The following AMOTL1 variants were observed in gnomAD, a reference collection of about 807,000 sequenced individuals.
AMOTL1 encodes the protein angiomotin like 1.
AMOTL1 carries 45 observed loss-of-function variants against 102.9 expected under a neutral mutation model. The ratio of observed to expected loss-of-function variants is 0.44; its 90% confidence interval spans 0.34 to 0.56. The LOEUF is 0.56. Ranked by LOEUF, AMOTL1 falls within the 20% of genes least tolerant of loss-of-function variation. The pLI, the probability that AMOTL1 is intolerant of heterozygous loss-of-function variation, is 0.01. For synonymous variants in AMOTL1, 481 were observed against 484.7 expected (o/e 0.99, Z 0.10); for missense variants, 1,114 against 1,225.6 (o/e 0.91, Z 1.36).
In AMOTL1 at chr11:94,865,967, A is replaced by C; in HGVS notation, c.2287A>C (p.Ile763Leu). 6.2e-7 allele frequency: 1 copy of C among 1,613,822 alleles called. No homozygotes were observed. ...YTIKNLHAKI[I>L]EKDAMIKVLQ... The stretch of plus-strand genomic sequence containing the variant: ...TATTAAAAATCTCCATGCCAAAATC[A>C]TAGAGAAAGATGCTATGATTAAGGT... The change falls in exon 11 of 13, where the codon ATA becomes CTA. Residue 763 changes from isoleucine (I) to leucine (L), a missense_variant. By Grantham distance (5) the Ile-to-Leu change is conservative (BLOSUM62 2). Transcript: ENST00000433060.
At chr11:94,706,644 A>G (rs982363871) in intron 1 of AMOTL1, 1 of 152,306 alleles carries the variant, frequency 6.6e-6, no homozygotes, top group East Asian at 1.9e-4. Context: ...GAACCTTAAC[A>G]CGAGGGGGGG....
At chr11:94,772,411 A>T (rs191756529) in intron 1 of AMOTL1, among the ~76,000 whole-genome samples, 5 of 152,020 alleles carry the variant, frequency 3.3e-5, no homozygotes, top group Admixed American at 3.3e-4. Flanking sequence ...AGCAACCACT[A>T]CTCCTGTTCA....
At chr11:94,797,235 A>G (rs569992991) in intron 2 of AMOTL1, among the ~76,000 whole-genome samples, 1 of 152,328 alleles carries the variant, frequency 6.6e-6, no homozygotes, top group African/African-American at 2.4e-5. Context: ...AGAGGAGGAT[A>G]TTGAGGCTCA....
At chr11:94,869,714 G>A (rs535622224) in intron 12 of AMOTL1, among the ~76,000 whole-genome samples, 3 of 152,302 alleles carry the variant, frequency 2.0e-5, no homozygotes, top group South Asian at 2.1e-4. Flanking sequence ...CCCTGGCAAT[G>A]CATACTTTTT....
At position 94,799,423 on chromosome 11, in the gene AMOTL1, A is replaced by G; in HGVS notation, c.233A>G (p.Asn78Ser). The G allele has an allele frequency of 1.3e-6, 2 of 1,591,032 alleles. No homozygotes were observed. Among genetic ancestry groups the G allele is most frequent in the Non-Finnish European group, 8.6e-7 (1 of 1,167,772 alleles). ...CCTCTTTGTAACTTCCACTCCCCAA[A>G]CTTCCTGAGGATCTCAGAGGTGGAA... The part of the protein sequence containing the change: ...EDPLCNFHSP[N>S]FLRISEVEMR... The change falls in exon 3 of 13, where the codon AAC becomes AGC. Residue 78 changes from asparagine to serine, a missense_variant. By Grantham distance (46) the Asn-to-Ser change is conservative (BLOSUM62 1). Coordinates refer to ENST00000433060, the MANE Select transcript of AMOTL1 (RefSeq NM_130847.3). This position sits in a 1 kb window ranked among gnomAD's most constrained non-coding sequence, Gnocchi z 4.5.
chr11:94,829,221 CTTTT>C (rs1275329051), intron 4 of AMOTL1, among the ~76,000 whole-genome samples: 3 of 135,980 alleles, frequency 2.2e-5, no homozygotes, highest in Non-Finnish European at 1.6e-5. Flanking sequence ...TCCATTAATC[CTTTT>C]TTTTTTTTTT....
intron 6 of AMOTL1, 109 bp from the exon 7 acceptor site, chr11:94,850,005 T>G: frequency 9.4e-6 from 12 of 1,283,208 alleles, no homozygotes; most frequent in African/African-American, 3.0e-5. Flanking sequence ...CAGTCCTCCA[T>G]TATTTGCATG....
At chr11:94,729,044 G>C (rs1221786964) in exon 2 of AMOTL1, 1 of 1,288,982 alleles carries the variant, frequency 7.8e-7, no homozygotes, top group Non-Finnish European at 1.0e-6. Context: ...CATTTTGCCA[G>C]CACCAGAGCG....
intron 3 of AMOTL1, among the ~76,000 whole-genome samples, chr11:94,756,882 T>A (rs983457476): frequency 3.3e-5 from 5 of 152,166 alleles, no homozygotes; most frequent in Non-Finnish European, 5.9e-5. Flanking sequence ...TGTGGGACCA[T>A]TAGACCTCTT....
At chr11:94,711,593 TA>T (rs889515362) in intron 1 of AMOTL1, among the ~76,000 whole-genome samples, 17 of 152,258 alleles carry the variant, frequency 1.1e-4, no homozygotes, top group African/African-American at 3.8e-4. Flanking sequence ...ACTTCCCTTT[TA>T]AAGCCATGGT....
In AMOTL1 at chr11:94,726,495, T is replaced by C. The variant is rs1377960218; in HGVS notation, c.-50-2426T>C. Among the ~76,000 whole-genome samples, 4 of 152,340 alleles carry C rather than the reference T, an allele frequency of 2.6e-5. No individual in the cohort carries two copies. The East Asian group carries it at 7.7e-4, about 29-fold the overall frequency. ...TGATTCTCAAAGCCAGAATTACATC[T>C]GTAAGTTTTTGATGGTCTTTCCCAT... On this transcript the variant is annotated intron_variant, in intron 1 of 4. Coordinates refer to the AMOTL1 transcript ENST00000299004.
chr11:94,873,519 G>A lies in AMOTL1; in HGVS notation c.*2724G>A, dbSNP rs1370301075. On this transcript the variant is annotated 3_prime_UTR_variant, in exon 13 of 13. Transcript: ENST00000433060. ...GTGTCAACTGTATGCAAACAGTGTGGTAAATACCTTTTAATTAGTCCTCCA... is the reference window on the plus strand; with the variant it reads ...GTGTCAACTGTATGCAAACAGTGTGATAAATACCTTTTAATTAGTCCTCCA... 11 of 152,206 alleles carry A rather than the reference G, an allele frequency of 7.2e-5. No homozygotes were observed. The highest frequency in any genetic ancestry group is 5.9e-4 in the Admixed American group (9 of 15,280). 9.4% of individuals were successfully genotyped at this position (152,206 alleles called of 1,614,324 possible).
In AMOTL1 at chr11:94,795,103, A is replaced by G. The variant is rs1179420771; in HGVS notation, c.142A>G (p.Arg48Gly). The change falls in exon 2 of 13, where the codon AGG (arginine) becomes GGG (glycine). Residue 48 changes from arginine (R) to glycine (G), a missense_variant. Transcript: ENST00000433060. The part of the protein sequence containing the change: ...FSPDFQLYSG[R>G]HETSALTVEA... ...CCCAGACTTTCAGCTCTATTCTGGG[A>G]GGCATGAAACATCTGCTTTGACGGT... 1 of 1,613,780 alleles carries G rather than the reference A, an allele frequency of 6.2e-7. No individual in the cohort carries two copies. The highest frequency in any genetic ancestry group is 8.5e-7 in the Non-Finnish European group (1 of 1,179,872).
chr11:94,725,601 A>G (rs1950244957), intron 1 of AMOTL1, among the ~76,000 whole-genome samples: 1 of 152,150 alleles, frequency 6.6e-6, no homozygotes, highest in Non-Finnish European at 1.5e-5. Flanking sequence ...GCAGTGTGAT[A>G]AATGCTATAA....
rs556770281 is a variant in AMOTL1, at chr11:94,855,169, G to A, written c.1944+1087G>A. Reference sequence around the variant, plus strand: ...ATCTACTGGATAGGGCATAGTGGTTGTGGTTGAAACACTTGAAAACACTTG... The same window carrying A: ...ATCTACTGGATAGGGCATAGTGGTTATGGTTGAAACACTTGAAAACACTTG... On this transcript the variant is annotated intron_variant, in intron 8 of 12. Transcript: ENST00000433060. Among the ~76,000 whole-genome samples, 3 of 152,346 alleles carry A rather than the reference G, an allele frequency of 2.0e-5. No homozygotes were observed. In the East Asian group the frequency reaches 5.8e-4, roughly 29 times the overall value.
chr11:94,810,514 A>G (rs1951658266), intron 3 of AMOTL1, among the ~76,000 whole-genome samples: 1 of 145,428 alleles, frequency 6.9e-6, no homozygotes, highest in Non-Finnish European at 1.5e-5. Context: ...AAAAAAAAAG[A>G]AAAGAAATGA....
At chr11:94,859,834 A>G in intron 9 of AMOTL1, 119 bp downstream of exon 9, 1 of 1,144,206 alleles carries the variant, frequency 8.7e-7, no homozygotes, top group Non-Finnish European at 1.2e-6. Context: ...GCTAAAAATT[A>G]TTTTTAAGTA....
chr11:94,869,287 A>T lies in AMOTL1; in HGVS notation c.2578A>T (p.Thr860Ser). 2 of 1,612,926 alleles carry T rather than the reference A, an allele frequency of 1.2e-6. No individual in the cohort carries two copies. Among genetic ancestry groups the T allele is most frequent in the Non-Finnish European group, 1.7e-6 (2 of 1,179,552 alleles). ...CTCAGCACTGTCCTCCATAGCCTCC[A>T]CTACGGCAGCCAGCAGTGCCCACGC... ...PTSALSSIAS[T>S]TAASSAHAKT... The change falls in exon 12 of 13, where the codon ACT becomes TCT. Residue 860 changes from threonine to serine, a missense_variant. Coordinates refer to ENST00000433060, the MANE Select transcript of AMOTL1 (RefSeq NM_130847.3).
chr11:94,730,569 T>C (rs1477680031), intron 2 of AMOTL1, among the ~76,000 whole-genome samples: 2 of 152,180 alleles, frequency 1.3e-5, no homozygotes, highest in African/African-American at 2.4e-5. Context: ...ACAGCCTGTG[T>C]GCTTCTTGAG....
Sources: allele counts gnomAD v4.1 joint callset (sites outside exome capture counted in the v4.1 genomes callset), GRCh38; gene constraint gnomAD v4.1.1; non-coding constraint Gnocchi (gnomAD v3.1); transcripts MANE v1.5; gene names NCBI Gene and HGNC (gene_info 2026-07-23, HGNC 2026-07-21).